The following CRYBG1 variants were observed in gnomAD, a reference collection of about 807,000 sequenced individuals.
CRYBG1 encodes the protein crystallin beta-gamma domain containing 1, also known as beta/gamma crystallin domain-containing protein 1.
A neutral mutation model predicts 189.2 loss-of-function variants in CRYBG1; 139 were observed. The observed-to-expected ratio is 0.73, with a 90% CI of 0.64 to 0.85. The LOEUF (loss-of-function observed/expected upper bound fraction) is 0.85, where lower values mean the gene tolerates loss of function less well. Among genes scored for constraint, CRYBG1 ranks in the 40% least tolerant of loss-of-function variants. The pLI is 0.00. For synonymous variants in CRYBG1, 1,023 were observed against 1,017.1 expected, an observed-to-expected ratio of 1.01 and a Z score of -0.11; for missense variants, 2,611 against 2,675.8, an observed-to-expected ratio of 0.98 and a Z score of 0.53.
intron 2 of CRYBG1, among the ~76,000 whole-genome samples, chr6:106,492,617 G>A (rs1332785306): frequency 1.3e-5 from 2 of 152,094 alleles, no homozygotes; most frequent in African/African-American, 2.4e-5. Flanking sequence ...TTATTCAAAC[G>A]CCACCTTCTC....
At chr6:106,368,980 A>G (rs1769960430) in intron 1 of CRYBG1, among the ~76,000 whole-genome samples, 1 of 152,244 alleles carries the variant, frequency 6.6e-6, no homozygotes. Flanking sequence ...CTATCAATAT[A>G]TTGTTACCTA....
In CRYBG1 at chr6:106,568,504, C is replaced by T. The variant is rs779753955; in HGVS notation, c.6334C>T (p.Leu2112Phe). The change falls in exon 22 of 22, where the codon CTC becomes TTC. Residue 2112 changes from leucine (L) to phenylalanine (F), a missense_variant. Around this residue, in one of 3 missense-constraint regions of CRYBG1, gnomAD observed 1,622 missense variants for 1,735.0 expected, o/e 0.93. Coordinates refer to ENST00000633556, the MANE Select transcript of CRYBG1 (RefSeq NM_001371242.2). ...GTQYDQNHII[L>F]NTVSKEKFTQ... Reference sequence around the variant, plus strand: ...ACAGTATGATCAAAATCACATTATCCTCAACACTGTCAGCAAAGAGAAGTT... The same window carrying T: ...ACAGTATGATCAAAATCACATTATCTTCAACACTGTCAGCAAAGAGAAGTT... The T allele has an allele frequency of 1.1e-5, 17 of 1,613,890 alleles. No individual in the cohort carries two copies. The South Asian group carries it at 1.6e-4, about 16-fold the overall frequency.
chr6:106,409,083 G>A (rs1388285562), intron 1 of CRYBG1, among the ~76,000 whole-genome samples: 3 of 152,260 alleles, frequency 2.0e-5, no homozygotes, highest in East Asian at 1.9e-4. Context: ...AAGTCAAATC[G>A]TCTCTGTTTG....
intron 1 of CRYBG1, among the ~76,000 whole-genome samples, chr6:106,390,632 T>C (rs1388474977): frequency 1.3e-5 from 2 of 152,160 alleles, no homozygotes; most frequent in Non-Finnish European, 2.9e-5. Flanking sequence ...CTGACTTCCA[T>C]TCACCGTAGA....
rs2114525475 is a variant in CRYBG1, at chr6:106,512,638, C to T, written c.1521C>T (p.Pro507=). Residue 507 remains proline (P), a synonymous_variant, in exon 3 of 22, where the codon CCC becomes CCT. Coordinates refer to ENST00000633556, the MANE Select transcript of CRYBG1 (RefSeq NM_001371242.2). ...RGESDRSKQP[P]PASSPTKRKG... Reference sequence around the variant, plus strand: ...AGTCGGACCGGAGCAAACAGCCACCCCCGGCTTCGTCCCCCACGAAGAGGA... The same window carrying T: ...AGTCGGACCGGAGCAAACAGCCACCTCCGGCTTCGTCCCCCACGAAGAGGA... 1 of 1,590,586 alleles carries T rather than the reference C, an allele frequency of 6.3e-7. No homozygotes were observed. Among genetic ancestry groups the T allele is most frequent in the Non-Finnish European group, 8.6e-7 (1 of 1,169,566 alleles).
At chr6:106,507,725 C>A (rs561217269) in intron 2 of CRYBG1, among the ~76,000 whole-genome samples, 3 of 152,278 alleles carry the variant, frequency 2.0e-5, no homozygotes, top group African/African-American at 7.2e-5. Flanking sequence ...TGGAAAGAAA[C>A]AATTCCTGGT....
chr6:106,504,483 C>T (rs749517284), intron 2 of CRYBG1, among the ~76,000 whole-genome samples: 56 of 151,818 alleles, frequency 3.7e-4, no homozygotes, highest in Non-Finnish European at 7.5e-4. Context: ...AGTTCTGTCT[C>T]CAGAATCATA....
chr6:106,563,316 A>G (rs143269915), intron 20 of CRYBG1, among the ~76,000 whole-genome samples: 295 of 152,320 alleles, frequency 1.9e-3, no homozygotes, highest in African/African-American at 6.6e-3. Flanking sequence ...GAGTTTTAAA[A>G]TGATAAAATG....
intron 8 of CRYBG1, among the ~76,000 whole-genome samples, chr6:106,538,825 G>A (rs1774062718): frequency 6.6e-6 from 1 of 151,474 alleles, no homozygotes; most frequent in Admixed American, 6.6e-5. Context: ...GAACCAGGAG[G>A]CAGAGGTTGC....
At chr6:106,436,521 C>T (rs1221928644) in intron 1 of CRYBG1, among the ~76,000 whole-genome samples, 1 of 152,230 alleles carries the variant, frequency 6.6e-6, no homozygotes, top group South Asian at 2.1e-4. Flanking sequence ...GTCTCGATCT[C>T]CTGACCTCGT....
At position 106,420,103 on chromosome 6, in the gene CRYBG1, C is replaced by T. The variant is rs77275859; in HGVS notation, c.174-31591C>T. ...AGTAATTTTGTACATTTTGATATCA[C>T]TCCAAGTATTGAAGTATAAACTGAA... On this transcript the variant is annotated intron_variant, in intron 1 of 21. Transcript: ENST00000633556. Among the ~76,000 whole-genome samples the T allele has an allele frequency of 1.6e-3, 238 of 152,316 alleles. 10 individuals are homozygous for T. The East Asian group carries it at 0.043, about 28-fold the overall frequency.
chr6:106,530,953 C>A (rs982213526), intron 8 of CRYBG1, among the ~76,000 whole-genome samples: 2 of 152,192 alleles, frequency 1.3e-5, no homozygotes, highest in Non-Finnish European at 2.9e-5. Context: ...ATTAAAGTCT[C>A]CACCTCTTAA....
intron 2 of CRYBG1, among the ~76,000 whole-genome samples, chr6:106,463,145 C>T (rs1415035472): frequency 6.6e-6 from 1 of 151,976 alleles, no homozygotes; most frequent in African/African-American, 2.4e-5. Context: ...TAGAGAAAGA[C>T]CCTGTCTCTA....
chr6:106,402,536 A>C (rs1286052235), intron 1 of CRYBG1, among the ~76,000 whole-genome samples: 1 of 130,992 alleles, frequency 7.6e-6, no homozygotes, highest in Non-Finnish European at 1.6e-5. Flanking sequence ...TGAGAAAAAC[A>C]AGCAATGGGG....
intron 2 of CRYBG1, among the ~76,000 whole-genome samples, chr6:106,510,432 G>T (rs1334458106): frequency 6.6e-6 from 1 of 152,220 alleles, no homozygotes. Context: ...TTCTGGCGCG[G>T]GCACTGGATG....
intron 1 of CRYBG1, among the ~76,000 whole-genome samples, chr6:106,428,156 G>A (rs993811500): frequency 4.6e-5 from 7 of 152,186 alleles, no homozygotes; most frequent in South Asian, 2.1e-4. Flanking sequence ...TGTTTATTCT[G>A]TGTCTCTCTC....
intron 2 of CRYBG1, among the ~76,000 whole-genome samples, chr6:106,487,751 T>C (rs1772624157): frequency 6.6e-6 from 1 of 152,218 alleles, no homozygotes. Context: ...ATTCTTATAT[T>C]TCACTGAGTT....
chr6:106,546,513 T>C (rs558268748), intron 13 of CRYBG1, among the ~76,000 whole-genome samples: 1 of 152,322 alleles, frequency 6.6e-6, no homozygotes, highest in South Asian at 2.1e-4. Flanking sequence ...TTGATGAACA[T>C]GCTTAACTTT....
At chr6:106,489,644 C>T (rs1401338404) in intron 2 of CRYBG1, among the ~76,000 whole-genome samples, 1 of 145,306 alleles carries the variant, frequency 6.9e-6, no homozygotes, top group Non-Finnish European at 1.5e-5. Flanking sequence ...CATGGTGAAA[C>T]CCTGTCTCTA....
Sources: allele counts gnomAD v4.1 joint callset (sites outside exome capture counted in the v4.1 genomes callset), GRCh38; gene constraint gnomAD v4.1.1; regional missense constraint gnomAD v4.1.1; transcripts MANE v1.5; gene names NCBI Gene and HGNC (gene_info 2026-07-23, HGNC 2026-07-21).